The following FSHR variants were observed in gnomAD, a reference collection of about 807,000 sequenced individuals.
The protein encoded by FSHR is follicle stimulating hormone receptor.
A neutral mutation model predicts 52.1 loss-of-function variants in FSHR; 46 were observed. The ratio of observed to expected loss-of-function variants is 0.88; its 90% CI spans 0.70 to 1.13. FSHR has a LOEUF of 1.13. Ranked by LOEUF, FSHR falls within the 50% of genes most tolerant of loss-of-function variation. The pLI is 0.00. For missense variants in FSHR, 964 were observed against 834.6 expected (o/e 1.16, Z -1.91); for synonymous variants, 399 against 309.6 (o/e 1.29, Z -3.03).
intron 8 of FSHR, among the ~76,000 whole-genome samples, chr2:48,975,920 A>T (rs544052373): frequency 3.9e-5 from 6 of 152,206 alleles, no homozygotes; most frequent in Non-Finnish European, 7.3e-5. Context: ...ATATACAATC[A>T]TGTCATCCGC....
At chr2:49,095,777 G>A (rs950461002) in intron 1 of FSHR, among the ~76,000 whole-genome samples, 1 of 151,924 alleles carries the variant, frequency 6.6e-6, no homozygotes, top group Non-Finnish European at 1.5e-5. Context: ...AACAACAAAG[G>A]GACAACCCAG....
At chr2:49,113,582 C>T (rs778104563) in intron 1 of FSHR, among the ~76,000 whole-genome samples, 10 of 151,960 alleles carry the variant, frequency 6.6e-5, no homozygotes, top group Non-Finnish European at 1.3e-4. Context: ...TTTCTTTTGC[C>T]CAAATGCATT....
chr2:49,007,038 A>G (rs529424421), intron 4 of FSHR, among the ~76,000 whole-genome samples: 1 of 152,214 alleles, frequency 6.6e-6, no homozygotes, highest in Non-Finnish European at 1.5e-5. Context: ...TGATTGTTGA[A>G]TGATTGGCTG....
At chr2:49,016,743 A>G (rs960082471) in intron 4 of FSHR, among the ~76,000 whole-genome samples, 3 of 152,150 alleles carry the variant, frequency 2.0e-5, no homozygotes, top group African/African-American at 7.2e-5. Flanking sequence ...TTGGTTATGC[A>G]TGATTATGAT....
At chr2:49,033,495 G>A (rs1259034815) in intron 2 of FSHR, among the ~76,000 whole-genome samples, 2 of 152,292 alleles carry the variant, frequency 1.3e-5, no homozygotes, top group East Asian at 3.9e-4. Flanking sequence ...TGAAAGGGGA[G>A]TTGATGAAGA....
intron 2 of FSHR, among the ~76,000 whole-genome samples, chr2:49,021,112 T>C (rs749207541): frequency 4.6e-5 from 7 of 152,180 alleles, no homozygotes; most frequent in Non-Finnish European, 8.8e-5. Flanking sequence ...AGAAAAATAA[T>C]AAAATAAAAC....
rs70946839 is a variant in FSHR at position 48,985,697 on chromosome 2, G to GTTTTTTTTTTTTTTTTTT, written c.525-2549_525-2532dup. Among the ~76,000 whole-genome samples, 28 of 99,540 alleles carry GTTTTTTTTTTTTTTTTTT rather than the reference G, an allele frequency of 2.8e-4. 12 individuals are homozygous for GTTTTTTTTTTTTTTTTTT. The highest frequency in any genetic ancestry group is 4.6e-4 in the African/African-American group (11 of 23,878). The allele number at this position is 99,540 out of a possible 152,430, so 65.3% of individuals were successfully genotyped here. A position where few individuals can be genotyped will look rare whatever the true frequency, so the allele number is the denominator to read the frequency against. On this transcript the variant is annotated intron_variant, in intron 6 of 9. Transcript: ENST00000406846. ...TTCAGTTTCAGGGGAGCAAGTACAG[G>GTTTTTTTTTTTTTTTTTT]TTTTTTTTTTTTTTTTTTTTTTTTT...
intron 8 of FSHR, among the ~76,000 whole-genome samples, chr2:48,973,101 G>A (rs1445917183): frequency 1.3e-5 from 2 of 152,176 alleles, no homozygotes; most frequent in African/African-American, 4.8e-5. Context: ...GCCTTTAAGA[G>A]CACTGACATC....
intron 1 of FSHR, among the ~76,000 whole-genome samples, chr2:49,113,759 CA>C (rs1671507000): frequency 6.6e-6 from 1 of 152,038 alleles, no homozygotes; most frequent in South Asian, 2.1e-4. Flanking sequence ...TAAACTGTGC[CA>C]AAAAGGACAC....
chr2:48,997,179 C>A (rs186542494), intron 4 of FSHR: 12 of 968,094 alleles, frequency 1.2e-5, no homozygotes, highest in East Asian at 1.1e-4. Context: ...GTTCACTTAC[C>A]TTTTCAGAGT....
At chr2:49,115,782 A>G (rs10495966) in intron 1 of FSHR, among the ~76,000 whole-genome samples, 41,774 of 151,988 alleles carry the variant, frequency 0.27, 6,153 homozygotes, top group East Asian at 0.47. Flanking sequence ...GTCCAGTTAT[A>G]GTGCAAAGTG....
chr2:49,040,004 G>T (rs1372394243), intron 2 of FSHR, among the ~76,000 whole-genome samples: 6 of 151,754 alleles, frequency 4.0e-5, no homozygotes, highest in Non-Finnish European at 8.8e-5. Flanking sequence ...AATAAAATCT[G>T]AAGCATTTCC....
At chr2:49,142,628 T>C (rs771927939) in intron 1 of FSHR, among the ~76,000 whole-genome samples, 8 of 152,174 alleles carry the variant, frequency 5.3e-5, no homozygotes, top group Non-Finnish European at 1.2e-4. Context: ...TTCTATGTAA[T>C]TGGATGTCAT....
At chr2:49,070,831 G>A (rs887029521) in intron 1 of FSHR, among the ~76,000 whole-genome samples, 2 of 152,118 alleles carry the variant, frequency 1.3e-5, no homozygotes, top group African/African-American at 4.8e-5. Flanking sequence ...AAATTACCCA[G>A]AAGTCTTCTA....
intron 6 of FSHR, 145 bp from the exon 7 acceptor site, chr2:48,983,311 GGGAGGAA>G: frequency 1.4e-6 from 1 of 724,304 alleles, no homozygotes; most frequent in Admixed American, 2.1e-5. Flanking sequence ...GGACACGGGT[GGGAGGAA>G]GACTGATTTA....
intron 2 of FSHR, among the ~76,000 whole-genome samples, chr2:49,031,578 G>C (rs956433339): frequency 2.0e-5 from 3 of 152,166 alleles, no homozygotes; most frequent in Non-Finnish European, 2.9e-5. Context: ...GTGATGATAG[G>C]AGTGCATTTT....
At position 48,985,964 on chromosome 2, in the gene FSHR, C is replaced by G. The variant is rs182629655; in HGVS notation, c.525-2798G>C. Among the ~76,000 whole-genome samples the G allele has an allele frequency of 4.6e-3, 696 of 152,184 alleles. 6 individuals carry two copies. The highest frequency in any genetic ancestry group is 0.016 in the African/African-American group (671 of 41,532). On this transcript the variant is annotated intron_variant, in intron 6 of 9. Transcript: ENST00000406846. Reference sequence around the variant, plus strand: ...TCCTGACCTCATGATCCACCCGCCTCGGCCTCCCAAAGTGCTGGGATTACA... The same window carrying G: ...TCCTGACCTCATGATCCACCCGCCTGGGCCTCCCAAAGTGCTGGGATTACA...
intron 2 of FSHR, among the ~76,000 whole-genome samples, chr2:49,040,656 A>C (rs1333480147): frequency 6.6e-6 from 1 of 152,190 alleles, no homozygotes; most frequent in African/African-American, 2.4e-5. Flanking sequence ...AGAGATAAGA[A>C]GATAAGAAAA....
At chr2:49,089,500 A>G (rs1670518991) in intron 1 of FSHR, among the ~76,000 whole-genome samples, 1 of 152,212 alleles carries the variant, frequency 6.6e-6, no homozygotes, top group Admixed American at 6.5e-5. Flanking sequence ...AATAAATAGC[A>G]TTGGCCAACA....
Sources: allele counts gnomAD v4.1 joint callset (sites outside exome capture counted in the v4.1 genomes callset), GRCh38; gene constraint gnomAD v4.1.1; transcripts MANE v1.5; gene names NCBI Gene and HGNC (gene_info 2026-07-23, HGNC 2026-07-21).